Variants in FARP2 observed in about 807,000 individuals in gnomAD.
FARP2 encodes FERM, ARH/RhoGEF and pleckstrin domain protein 2.
A neutral mutation model predicts 130.5 loss-of-function variants in FARP2; 111 were observed. That is an observed-to-expected ratio of 0.85 (90% CI 0.73 to 1.00). The LOEUF is 1.00. Among genes scored for constraint, FARP2 ranks in the 50% least tolerant of loss-of-function variants. FARP2 has a pLI of 0.00. For synonymous variants in FARP2, 504 were observed against 516.9 expected (o/e 0.98, Z 0.34); for missense variants, 1,385 against 1,346.3 (o/e 1.03, Z -0.45).
intron 17 of FARP2, among the ~76,000 whole-genome samples, chr2:241,467,883 G>A (rs1275032327): frequency 3.3e-5 from 5 of 152,200 alleles, no homozygotes; most frequent in Non-Finnish European, 7.3e-5. Context: ...GGTCCACTCA[G>A]TGCATGTGAT....
intron 20 of FARP2, 35 bp downstream of exon 20, chr2:241,483,568 C>A: frequency 6.3e-7 from 1 of 1,597,276 alleles, no homozygotes; most frequent in Non-Finnish European, 8.6e-7. Flanking sequence ...GTGCTTCCCC[C>A]CGAGGGGGAT....
At chr2:241,456,526 T>G in intron 13 of FARP2, 1 of 536,838 alleles carries the variant, frequency 1.9e-6, no homozygotes, top group Non-Finnish European at 3.3e-6. Context: ...TGTCTGTGGA[T>G]TGCTCTCTGA....
intron 2 of FARP2, among the ~76,000 whole-genome samples, chr2:241,378,262 C>T (rs1307331144): frequency 6.8e-6 from 1 of 146,020 alleles, no homozygotes; most frequent in Non-Finnish European, 1.5e-5. Flanking sequence ...CCACCATGCC[C>T]GGCTAATATT....
chr2:241,395,913 T>C (rs1202448937), intron 2 of FARP2: 1 of 152,352 alleles, frequency 6.6e-6, no homozygotes, highest in Non-Finnish European at 1.5e-5. Context: ...TGTGGTGATC[T>C]AATTATTGAT....
rs1559794891 is a variant in FARP2, at chr2:241,462,542, C to A, written c.1607C>A (p.Ala536Asp). The change falls in exon 15 of 27, where the codon GCC becomes GAC. Residue 536 changes from alanine to aspartate, a missense_variant. Ala to Asp is a moderately radical substitution (Grantham distance 126, BLOSUM62 -2). Coordinates refer to ENST00000264042, the MANE Select transcript of FARP2 (RefSeq NM_014808.4). Reference sequence around the variant, plus strand: ...TTTCAGCGCGTGCCTGCAGACGAGGCCTACTTCATAGTCAAAGAGATTCTC... The same window carrying A: ...TTTCAGCGCGTGCCTGCAGACGAGGACTACTTCATAGTCAAAGAGATTCTC... ...PRHKRVPADE[A>D]YFIVKEILAT... is the part of the protein sequence containing the mutation. The A allele has an allele frequency of 1.9e-6, 3 of 1,613,670 alleles. No homozygotes were observed. The highest frequency in any genetic ancestry group is 1.1e-5 in the South Asian group (1 of 91,080).
chr2:241,361,889 ATT>A (rs1407827744), intron 1 of FARP2, among the ~76,000 whole-genome samples: 2 of 151,042 alleles, frequency 1.3e-5, no homozygotes, highest in African/African-American at 4.9e-5. Context: ...TATTATTTTT[ATT>A]TTTTATTTAT....
intron 17 of FARP2, 32 bp from the exon 18 acceptor site, chr2:241,468,108 C>A: frequency 7.0e-7 from 1 of 1,420,916 alleles, no homozygotes. Context: ...TACATCTCCT[C>A]ACCTAAAGGC....
rs2061959230 is a variant in FARP2 at position 241,393,540 on chromosome 2, A to G, written c.184-10288A>G. ...ATAAAAGGAAATTTGGGATTGATCT[A>G]ATTAGGCAATAAAAATCTTAAGTAA... On this transcript the variant is annotated intron_variant, in intron 2 of 26. Coordinates refer to ENST00000264042, the MANE Select transcript of FARP2 (RefSeq NM_014808.4). 2.0e-5 allele frequency among the ~76,000 whole-genome samples: 3 copies of G among 152,218 alleles called. No individual in the cohort carries two copies. The South Asian group carries it at 6.2e-4, about 32-fold the overall frequency.
At chr2:241,463,650 AAG>A (rs376006519) in intron 16 of FARP2, 182 bp downstream of exon 16, 18 of 732,902 alleles carry the variant, frequency 2.5e-5, no homozygotes, top group East Asian at 1.9e-4. Context: ...TCTTCCAGAA[AAG>A]AGAGTGCAAG....
chr2:241,462,687 T>TTTTTC, intron 15 of FARP2, 75 bp downstream of exon 15: 1 of 963,750 alleles, frequency 1.0e-6, no homozygotes, highest in Non-Finnish European at 1.6e-6. Context: ...ATATCTCTTT[T>TTTTTC]TTTTCTTTTT....
intron 17 of FARP2, among the ~76,000 whole-genome samples, chr2:241,467,338 C>A (rs1348961016): frequency 6.6e-6 from 1 of 151,728 alleles, no homozygotes; most frequent in Non-Finnish European, 1.5e-5. Context: ...TACATGTATA[C>A]ATGTGTTGTA....
At chr2:241,392,766 C>G (rs2061936835) in intron 2 of FARP2, among the ~76,000 whole-genome samples, 1 of 151,670 alleles carries the variant, frequency 6.6e-6, no homozygotes, top group Non-Finnish European at 1.5e-5. Flanking sequence ...ATAGTGAAGC[C>G]CTATCTCTGC....
chr2:241,427,903 CT>C (rs1480965197), intron 8 of FARP2, among the ~76,000 whole-genome samples: 4 of 151,984 alleles, frequency 2.6e-5, no homozygotes, highest in Middle Eastern at 3.4e-3. Flanking sequence ...GTAGCTGGGA[CT>C]TAGAGGCGCC....
At chr2:241,360,936 C>T (rs1430836091) in intron 1 of FARP2, among the ~76,000 whole-genome samples, 7 of 151,356 alleles carry the variant, frequency 4.6e-5, no homozygotes, top group Non-Finnish European at 7.4e-5. Context: ...TTCACATAGA[C>T]GTATTTGCTG....
intron 7 of FARP2, among the ~76,000 whole-genome samples, chr2:241,414,053 G>A (rs1297821409): frequency 6.6e-6 from 1 of 152,154 alleles, no homozygotes; most frequent in Non-Finnish European, 1.5e-5. Context: ...TGTCTCTGCA[G>A]TGTGGCAGAA....
At chr2:241,464,977 G>A (rs2064131266) in intron 17 of FARP2, among the ~76,000 whole-genome samples, 1 of 152,004 alleles carries the variant, frequency 6.6e-6, no homozygotes, top group South Asian at 2.1e-4. Context: ...CCTGAAAACA[G>A]CATACCCCTC....
intron 8 of FARP2, 50 bp from the exon 9 acceptor site, chr2:241,431,629 G>A (rs1343747660): frequency 3.3e-6 from 3 of 898,878 alleles, no homozygotes; most frequent in East Asian, 5.0e-5. Context: ...TCATGAGAAA[G>A]GGGTTATGTG....
chr2:241,379,395 C>G lies in FARP2; in HGVS notation c.183+6105C>G, dbSNP rs3771552. Among the ~76,000 whole-genome samples the G allele has an allele frequency of 2.6e-5, 4 of 152,330 alleles. No individual in the cohort carries two copies. The East Asian group carries it at 7.7e-4, about 29-fold the overall frequency. ...CTTTGCTGACAAGTGGGGATTGCAT[C>G]TAATGAGCATGAGGGTTTTCTTCAT... On this transcript the variant is annotated intron_variant, in intron 2 of 26. Coordinates refer to ENST00000264042, the MANE Select transcript of FARP2 (RefSeq NM_014808.4).
chr2:241,464,893 G>A (rs2064129076), intron 17 of FARP2, among the ~76,000 whole-genome samples: 1 of 152,100 alleles, frequency 6.6e-6, no homozygotes, highest in East Asian at 1.9e-4. Flanking sequence ...GGCCCCATCA[G>A]GACACTGTTT....
Sources: gnomAD v4.1 joint callset for allele counts (sites outside exome capture counted in the v4.1 genomes callset) on GRCh38, gnomAD v4.1.1 for gene constraint, MANE v1.5 for transcripts, NCBI Gene and HGNC (gene_info 2026-07-23, HGNC 2026-07-21) for gene names.